Variants in OTOG observed in about 807,000 individuals in gnomAD.
OTOG encodes the protein otogelin.
Under a neutral mutation model 313.8 loss-of-function variants are expected in OTOG, and 296 were observed. That is an observed-to-expected ratio of 0.94 (90% confidence interval 0.86 to 1.04). The LOEUF is 1.04. Among genes scored for constraint, OTOG ranks in the 50% least tolerant of loss-of-function variants. The probability of loss-of-function intolerance (pLI) is 0.00; values close to 1 mark genes in which losing one functional copy is unlikely to be tolerated. For missense variants in OTOG, 3,948 were observed against 3,840.1 expected (o/e 1.03, Z -0.74); for synonymous variants, 1,533 against 1,554.9 (o/e 0.99, Z 0.33).
At chr11:17,553,314 G>A in intron 5 of OTOG, 51 bp from the exon 6 acceptor site, 1 of 1,497,382 alleles carries the variant, frequency 6.7e-7, no homozygotes. Context: ...CCAGCCTCTG[G>A]CTTGGTGCCC....
rs768531807 is a variant in OTOG at position 17,594,061 on chromosome 11, C to T, written c.3303C>T (p.Gly1101=). 1.4e-4 allele frequency: 218 copies of T among 1,550,472 alleles called. No homozygotes were observed. The highest frequency in any genetic ancestry group is 1.8e-4 in the Non-Finnish European group (208 of 1,147,000). Residue 1101 remains glycine, a synonymous_variant, in exon 28 of 56, where the codon GGC becomes GGT. Transcript: ENST00000399397. The part of the protein sequence containing the change: ...AGPQWQGQLA[G]LCGNFDLKTI... ...TCTCCTTTCAGGGCCAGCTGGCGGG[C>T]CTCTGTGGGAACTTTGACTTAAAAA...
At position 17,634,131 on chromosome 11, in the gene OTOG, G is replaced by A. The variant is rs61745322; in HGVS notation, c.7330G>A (p.Gly2444Ser). ...LGETWNSSLSGCCQHQCQAPD... is the reference protein window; with the variant it reads ...LGETWNSSLSSCCQHQCQAPD... Reference sequence around the variant, plus strand: ...GGAGACCTGGAACAGCTCCCTCAGCGGCTGCTGCCAGCACCAGTGCCAAGC... The same window carrying A: ...GGAGACCTGGAACAGCTCCCTCAGCAGCTGCTGCCAGCACCAGTGCCAAGC... Residue 2444 changes from glycine (G) to serine (S), a missense_variant, in exon 44 of 56, where the codon GGC (glycine) becomes AGC (serine). Physicochemically the swap from Gly to Ser is moderately conservative, Grantham distance 56 (BLOSUM62 0). Transcript: ENST00000399397. 2.9e-3 allele frequency: 4,523 copies of A among 1,549,290 alleles called. 114 individuals carry two copies. In the African/African-American group the frequency reaches 0.053, roughly 18 times the overall value.
intron 47 of OTOG, among the ~76,000 whole-genome samples, chr11:17,636,557 A>G (rs551154067): frequency 6.6e-6 from 1 of 152,254 alleles, no homozygotes; most frequent in East Asian, 1.9e-4. Context: ...GTAGGCTCCC[A>G]TCCCATGAGA....
At position 17,610,765 on chromosome 11, in the gene OTOG, C is replaced by A. The variant is rs558767096; in HGVS notation, c.5465C>A (p.Pro1822His). Residue 1822 changes from proline to histidine, a missense_variant, in exon 36 of 56, where the codon CCC becomes CAC. Transcript: ENST00000399397. ...GGCACATCTGCCCCAGTGGCCACAC[C>A]CGGCCCCAAAGCCTCTGTCATCACC... ...KVGTSAPVAT[P>H]GPKASVITTP... 1.5e-4 allele frequency: 226 copies of A among 1,550,052 alleles called. 1 individual carries two copies. The African/African-American group carries it at 2.9e-3, about 20-fold the overall frequency.
At chr11:17,639,104 A>G (rs573169398) in intron 48 of OTOG, among the ~76,000 whole-genome samples, 2 of 152,338 alleles carry the variant, frequency 1.3e-5, no homozygotes, top group Non-Finnish European at 2.9e-5. Context: ...GACCAGGTGA[A>G]GGGATTAATC....
At chr11:17,558,734 A>G in intron 10 of OTOG, 90 bp downstream of exon 10, 1 of 1,293,622 alleles carries the variant, frequency 7.7e-7, no homozygotes, top group Non-Finnish European at 1.1e-6. Context: ...GATCCCAGGC[A>G]CTGCCAGATC....
In OTOG at chr11:17,634,301, T is replaced by G; in HGVS notation, c.7480+20T>G. ...TCTGTGGTGAGTGTCCACCTTCACT[T>G]CCTTGGACGTCAACTGTAAAACAGT... On this transcript the variant is annotated intron_variant, in intron 44 of 55. Transcript: ENST00000399397. 1 of 1,546,040 alleles carries G rather than the reference T, an allele frequency of 6.5e-7. No individual in the cohort carries two copies. Among genetic ancestry groups the G allele is most frequent in the Non-Finnish European group, 8.7e-7 (1 of 1,143,258 alleles).
At chr11:17,566,041 C>G (rs1852287079) in intron 15 of OTOG, among the ~76,000 whole-genome samples, 3 of 152,106 alleles carry the variant, frequency 2.0e-5, no homozygotes, top group Admixed American at 2.0e-4. Context: ...GTATGACTTC[C>G]TTTAGGCCTT....
chr11:17,576,797 G>A, intron 21 of OTOG, 71 bp from the exon 22 acceptor site: 2 of 1,525,998 alleles, frequency 1.3e-6, no homozygotes, highest in Non-Finnish European at 1.8e-6. Context: ...TGACCCGAGT[G>A]CAGCAACATG....
intron 15 of OTOG, among the ~76,000 whole-genome samples, chr11:17,566,479 C>A (rs571832876): frequency 6.6e-6 from 1 of 152,326 alleles, no homozygotes; most frequent in African/African-American, 2.4e-5. Flanking sequence ...AGTATATACA[C>A]ATAAGTATAA....
In OTOG at chr11:17,638,349, AG is replaced by A. The variant is rs1847897472; in HGVS notation, c.7796-100del. On this transcript the variant is annotated intron_variant, in intron 47 of 55. Transcript: ENST00000399397. ...CTGAGGACAGTGGGGGTCACTAAGGAGGAGCTGGGGGTAGCCTCTCTTTAGC... is the reference window on the plus strand; with the variant it reads ...CTGAGGACAGTGGGGGTCACTAAGGAGAGCTGGGGGTAGCCTCTCTTTAGC... 3 of 999,966 alleles carry A rather than the reference AG, an allele frequency of 3.0e-6. 1 individual carries two copies. In the African/African-American group the frequency reaches 4.9e-5, roughly 16 times the overall value. The allele number at this position is 999,966 out of a possible 1,614,324, so 61.9% of individuals were successfully genotyped here.
intron 39 of OTOG, among the ~76,000 whole-genome samples, chr11:17,623,759 C>T (rs1474063272): frequency 1.3e-5 from 2 of 152,212 alleles, no homozygotes; most frequent in Non-Finnish European, 2.9e-5. Flanking sequence ...TTTATACTCT[C>T]ACCAACAATG....
intron 19 of OTOG, 51 bp downstream of exon 19, chr11:17,573,341 C>T (rs1271270387): frequency 4.8e-6 from 7 of 1,465,538 alleles, no homozygotes; most frequent in African/African-American, 1.4e-5. Flanking sequence ...GAGCTCCAGA[C>T]CTGAGTGTCC....
chr11:17,567,582 C>T (rs10832801), intron 15 of OTOG, among the ~76,000 whole-genome samples: 1 of 152,124 alleles, frequency 6.6e-6, no homozygotes, highest in African/African-American at 2.4e-5. Context: ...TGGGCTTAAG[C>T]GATCCTCCTG....
At chr11:17,607,990 G>A (rs543762502) in intron 33 of OTOG, among the ~76,000 whole-genome samples, 2 of 152,222 alleles carry the variant, frequency 1.3e-5, no homozygotes, top group South Asian at 4.1e-4. Flanking sequence ...CTCTTCTTCG[G>A]TCACCCTTCG....
chr11:17,603,783 G>C (rs78550843), intron 32 of OTOG, among the ~76,000 whole-genome samples: 1 of 152,216 alleles, frequency 6.6e-6, no homozygotes, highest in African/African-American at 2.4e-5. Flanking sequence ...ACATCACAGA[G>C]GGGAGGACTC....
chr11:17,574,735 C>T lies in OTOG; in HGVS notation c.2309C>T (p.Ala770Val). 6.4e-7 allele frequency: 1 copy of T among 1,550,578 alleles called. No individual in the cohort carries two copies. The highest frequency in any genetic ancestry group is 8.7e-7 in the Non-Finnish European group (1 of 1,146,950). ...CTCACTGCAGCACTGTCCTGTGAGG[C>T]CTCCAAGGAGTATAGCCCCTGCGTG... is the stretch of plus-strand genomic sequence containing the variant. ...RLPACALSCEASKEYSPCVAP... is the reference protein window; with the variant it reads ...RLPACALSCEVSKEYSPCVAP... The change falls in exon 20 of 56, where the codon GCC (alanine) becomes GTC (valine). Residue 770 changes from alanine to valine, a missense_variant. By Grantham distance (64) the Ala-to-Val change is moderately conservative. Transcript: ENST00000399397.
chr11:17,612,818 A>G, intron 38 of OTOG, 53 bp downstream of exon 38: 1 of 1,522,708 alleles, frequency 6.6e-7, no homozygotes, highest in Non-Finnish European at 8.8e-7. Flanking sequence ...GGACTAGGAT[A>G]AGAGGGGAGA....
At chr11:17,574,194 G>A (rs780905513) in intron 19 of OTOG, among the ~76,000 whole-genome samples, 10 of 152,140 alleles carry the variant, frequency 6.6e-5, no homozygotes, top group Non-Finnish European at 1.3e-4. Flanking sequence ...TGGGATGCTG[G>A]CCACACAAGG....
Sources: gnomAD v4.1 joint callset for allele counts (sites outside exome capture counted in the v4.1 genomes callset) on GRCh38, gnomAD v4.1.1 for gene constraint, MANE v1.5 for transcripts, NCBI Gene and HGNC (gene_info 2026-07-23, HGNC 2026-07-21) for gene names.